Variants in MED12L observed in about 807,000 individuals in gnomAD.
The protein encoded by MED12L is mediator complex subunit 12L.
In MED12L, 60 loss-of-function variants were observed where a neutral mutation model predicts 281.3. The observed-to-expected ratio is 0.21, with a 90% CI of 0.17 to 0.26. MED12L has a LOEUF of 0.26. Ranked by LOEUF, MED12L falls within the 10% of genes least tolerant of loss-of-function variation. MED12L has a pLI of 1.00. For synonymous variants in MED12L, 974 were observed against 987.2 expected, an observed-to-expected ratio of 0.99 and a Z score of 0.25; for missense variants, 2,146 against 2,680.9, an observed-to-expected ratio of 0.80 and a Z score of 4.41.
intron 43 of MED12L, among the ~76,000 whole-genome samples, chr3:151,417,506 T>TTTTA (rs1717748501): frequency 1.4e-5 from 2 of 140,152 alleles, no homozygotes; most frequent in Admixed American, 7.2e-5. Flanking sequence ...TTTTTTTTTT[T>TTTTA]GAGACGGAAT....
chr3:151,340,403 A>G (rs1751662541), intron 16 of MED12L, among the ~76,000 whole-genome samples: 1 of 152,204 alleles, frequency 6.6e-6, no homozygotes, highest in South Asian at 2.1e-4. Context: ...TTTTCTTAAT[A>G]AAGAGGCTAA....
Position 151,092,127 on chromosome 3 carries a change from C to T in MED12L, c.99+5102C>T, listed in dbSNP as rs181035874. 7.2e-5 allele frequency among the ~76,000 whole-genome samples: 11 copies of T among 152,334 alleles called. No homozygotes were observed. The East Asian group carries it at 2.1e-3, about 29-fold the overall frequency. On this transcript the variant is annotated intron_variant, in intron 2 of 44. Coordinates refer to ENST00000687756, the MANE Select transcript of MED12L (RefSeq NM_001393769.1). ...TGTGGTGGGACCACAGGCTGCCTCT[C>T]TCTTCTTCCAACAGGCCTAGCTTCT...
chr3:151,140,754 A>G (rs1296883577), intron 5 of MED12L, among the ~76,000 whole-genome samples: 1 of 152,124 alleles, frequency 6.6e-6, no homozygotes, highest in Non-Finnish European at 1.5e-5. Flanking sequence ...GTCTTGGCTC[A>G]TTGCAACCTC....
At chr3:151,217,171 C>T (rs1728403435) in intron 16 of MED12L, among the ~76,000 whole-genome samples, 1 of 152,090 alleles carries the variant, frequency 6.6e-6, no homozygotes, top group African/African-American at 2.4e-5. Context: ...AGCCAAATTC[C>T]TTTCCTTTTA....
intron 4 of MED12L, among the ~76,000 whole-genome samples, chr3:151,126,902 T>C (rs1191132801): frequency 6.6e-6 from 1 of 152,208 alleles, no homozygotes; most frequent in Admixed American, 6.5e-5. Context: ...AATGAAGGGC[T>C]TAGCCAAACA....
At chr3:151,375,960 G>A in intron 27 of MED12L, 66 bp from the exon 28 acceptor site, 1 of 640,772 alleles carries the variant, frequency 1.6e-6, no homozygotes, top group South Asian at 4.2e-5. Context: ...TGTGGATTTA[G>A]TACATATTGC....
intron 16 of MED12L, among the ~76,000 whole-genome samples, chr3:151,258,901 G>A (rs1559949870): frequency 6.6e-6 from 1 of 151,766 alleles, no homozygotes. Flanking sequence ...GGTAGAGGAG[G>A]CTTTGTGGAT....
At chr3:151,123,874 A>G (rs1714126447) in intron 4 of MED12L, among the ~76,000 whole-genome samples, 1 of 152,220 alleles carries the variant, frequency 6.6e-6, no homozygotes, top group East Asian at 1.9e-4. Flanking sequence ...TTTTGCCTTA[A>G]TGTCATAACA....
At chr3:151,263,562 C>G (rs996817062) in intron 16 of MED12L, among the ~76,000 whole-genome samples, 1 of 152,082 alleles carries the variant, frequency 6.6e-6, no homozygotes, top group African/African-American at 2.4e-5. Context: ...CGTGTTTTAT[C>G]GTTAATTTAA....
At chr3:151,328,572 T>G in intron 16 of MED12L, 1 of 1,613,646 alleles carries the variant, frequency 6.2e-7, no homozygotes, top group Non-Finnish European at 8.5e-7. Context: ...ATTGAGACCG[T>G]TTTTGCAAAA....
At chr3:151,292,095 T>C (rs1744325975) in intron 16 of MED12L, among the ~76,000 whole-genome samples, 1 of 152,182 alleles carries the variant, frequency 6.6e-6, no homozygotes. Context: ...GAGAAGTACT[T>C]GCTAAACTCC....
At chr3:151,137,160 CAAAAAAAAAAAGAAAAAAA>C (rs888289024) in intron 5 of MED12L, among the ~76,000 whole-genome samples, 1 of 56,996 alleles carries the variant, frequency 1.8e-5, no homozygotes, top group Admixed American at 1.8e-4. Context: ...GACTCCGTCT[CAAAAAAAAAAAGAAAAAAA>C]AAAAAAAGAA....
intron 16 of MED12L, among the ~76,000 whole-genome samples, chr3:151,221,827 C>A (rs1177080439): frequency 6.6e-6 from 1 of 152,208 alleles, no homozygotes; most frequent in East Asian, 1.9e-4. Flanking sequence ...AGAGTGCCTA[C>A]TGGGGCACCA....
At chr3:151,160,894 T>A (rs1220698276) in intron 8 of MED12L, among the ~76,000 whole-genome samples, 1 of 152,200 alleles carries the variant, frequency 6.6e-6, no homozygotes, top group Non-Finnish European at 1.5e-5. Flanking sequence ...GTTCTTCGAA[T>A]GAGTTGAGAA....
At chr3:151,366,433 T>C (rs959020202) in intron 23 of MED12L, among the ~76,000 whole-genome samples, 1 of 152,230 alleles carries the variant, frequency 6.6e-6, no homozygotes, top group Non-Finnish European at 1.5e-5. Context: ...TTGGGTTACA[T>C]AAGAATGTCC....
At chr3:151,416,771 T>A (rs915267760) in intron 43 of MED12L, among the ~76,000 whole-genome samples, 1 of 152,226 alleles carries the variant, frequency 6.6e-6, no homozygotes, top group Non-Finnish European at 1.5e-5. Flanking sequence ...CATACTTTGA[T>A]TTTTACTATA....
At chr3:151,116,517 T>C (rs1311071456) in intron 3 of MED12L, 75 bp downstream of exon 3, 1 of 936,938 alleles carries the variant, frequency 1.1e-6, no homozygotes, top group African/African-American at 1.6e-5. Context: ...TCACTGTTGA[T>C]AAATTAGTGT....
chr3:151,248,397 TAG>T (rs1406926445), intron 16 of MED12L, among the ~76,000 whole-genome samples: 2 of 152,194 alleles, frequency 1.3e-5, no homozygotes, highest in Admixed American at 6.6e-5. Context: ...TCATTATTTG[TAG>T]AGTTTTAGCA....
chr3:151,371,608 A>G (rs558466977), intron 26 of MED12L, among the ~76,000 whole-genome samples: 1 of 152,296 alleles, frequency 6.6e-6, no homozygotes, highest in Non-Finnish European at 1.5e-5. Flanking sequence ...TGGGTTTTAA[A>G]AGGCTTTTTC....
Sources: gnomAD v4.1 joint callset for allele counts (sites outside exome capture counted in the v4.1 genomes callset) on GRCh38, gnomAD v4.1.1 for gene constraint, MANE v1.5 for transcripts, NCBI Gene and HGNC (gene_info 2026-07-23, HGNC 2026-07-21) for gene names.